Variants in ADCY5 observed in about 807,000 individuals in gnomAD.
ADCY5 encodes adenylate cyclase 5, also known as adenylate cyclase type 5.
A neutral mutation model predicts 119.7 loss-of-function variants in ADCY5; 30 were observed. The ratio of observed to expected loss-of-function variants is 0.25; its 90% confidence interval spans 0.19 to 0.34. ADCY5 has a LOEUF of 0.34. Among genes scored for constraint, ADCY5 ranks in the 10% least tolerant of loss-of-function variants. The probability of loss-of-function intolerance (pLI) is 1.00; values close to 1 mark genes in which losing one functional copy is unlikely to be tolerated. For synonymous variants in ADCY5, 753 were observed against 762.2 expected, an observed-to-expected ratio of 0.99 and a Z score of 0.20; for missense variants, 1,324 against 1,775.2, an observed-to-expected ratio of 0.75 and a Z score of 4.57.
intron 1 of ADCY5, among the ~76,000 whole-genome samples, chr3:123,356,258 C>T (rs1943033589): frequency 6.6e-6 from 1 of 152,082 alleles, no homozygotes; most frequent in Non-Finnish European, 1.5e-5. Context: ...TCTTATATAT[C>T]ACACCAAACA....
intron 1 of ADCY5, among the ~76,000 whole-genome samples, chr3:123,392,794 C>T (rs953183574): frequency 1.4e-4 from 21 of 152,164 alleles, no homozygotes. Flanking sequence ...CGCTATACCT[C>T]CAGGCCTCAC....
chr3:123,373,456 G>C (rs1223314782), intron 1 of ADCY5, among the ~76,000 whole-genome samples: 3 of 152,174 alleles, frequency 2.0e-5, no homozygotes, highest in Non-Finnish European at 4.4e-5. Flanking sequence ...GCTGCCCCAA[G>C]AGCCAAAACA....
At chr3:123,339,133 G>A (rs1405794208) in intron 3 of ADCY5, among the ~76,000 whole-genome samples, 2 of 152,204 alleles carry the variant, frequency 1.3e-5, no homozygotes, top group African/African-American at 4.8e-5. Flanking sequence ...GGAAGTACCC[G>A]GAAGTGTCCA....
intron 11 of ADCY5, among the ~76,000 whole-genome samples, chr3:123,314,940 G>C (rs556104102): frequency 5.3e-5 from 8 of 152,056 alleles, no homozygotes; most frequent in African/African-American, 1.9e-4. Context: ...TCGATTCCTA[G>C]CCAGTTCAAC....
chr3:123,420,528 C>G (rs1945282656), intron 1 of ADCY5, among the ~76,000 whole-genome samples: 2 of 152,158 alleles, frequency 1.3e-5, no homozygotes, highest in African/African-American at 4.8e-5. Flanking sequence ...GCCCCAGGCC[C>G]TACAGATGGC....
intron 10 of ADCY5, among the ~76,000 whole-genome samples, 156 bp downstream of exon 10, chr3:123,319,518 T>C (rs560797869): frequency 2.6e-5 from 4 of 152,220 alleles, no homozygotes; most frequent in South Asian, 4.1e-4. Flanking sequence ...TCCCTAGAAC[T>C]CGCATCTCTC....
chr3:123,365,817 G>C (rs1037869904), intron 1 of ADCY5, among the ~76,000 whole-genome samples: 4 of 152,112 alleles, frequency 2.6e-5, no homozygotes, highest in Admixed American at 2.0e-4. Context: ...GGCAGTGAAG[G>C]GACAGCGAGT....
intron 1 of ADCY5, among the ~76,000 whole-genome samples, chr3:123,435,995 A>G (rs1475448507): frequency 6.6e-6 from 1 of 150,468 alleles, no homozygotes; most frequent in African/African-American, 2.4e-5. Flanking sequence ...GGTTCAAGCG[A>G]TTCTCCTGCC....
intron 12 of ADCY5, among the ~76,000 whole-genome samples, chr3:123,307,903 C>T (rs562856043): frequency 6.6e-6 from 1 of 151,624 alleles, no homozygotes; most frequent in East Asian, 1.9e-4. Context: ...AGGAGAAGAA[C>T]TGCAGGCTTA....
chr3:123,411,970 T>A (rs1945062132), intron 1 of ADCY5, among the ~76,000 whole-genome samples: 1 of 152,086 alleles, frequency 6.6e-6, no homozygotes, highest in Admixed American at 6.5e-5. Context: ...GAACTCCACC[T>A]TTGGAACATG....
intron 1 of ADCY5, among the ~76,000 whole-genome samples, chr3:123,444,331 AG>A (rs918852088): frequency 5.3e-5 from 8 of 152,126 alleles, no homozygotes; most frequent in African/African-American, 1.9e-4. Flanking sequence ...TCGAACAGGG[AG>A]GGAGAGATGG....
chr3:123,415,867 AG>A (rs1945172544), intron 1 of ADCY5, among the ~76,000 whole-genome samples: 1 of 152,228 alleles, frequency 6.6e-6, no homozygotes, highest in Admixed American at 6.5e-5. Context: ...CTAGGTGTAT[AG>A]GGGTAAATGG....
chr3:123,419,440 C>T (rs553832543), intron 1 of ADCY5, among the ~76,000 whole-genome samples: 20 of 152,294 alleles, frequency 1.3e-4, no homozygotes, highest in East Asian at 1.2e-3. Flanking sequence ...CCCATACCCA[C>T]GTTGCCAGAC....
At chr3:123,419,719 C>T (rs954533373) in intron 1 of ADCY5, among the ~76,000 whole-genome samples, 4 of 152,098 alleles carry the variant, frequency 2.6e-5, no homozygotes, top group African/African-American at 7.2e-5. Flanking sequence ...CACTGCTCCC[C>T]CTGCCAGCGA....
At chr3:123,400,676 G>C (rs1312476126) in intron 1 of ADCY5, among the ~76,000 whole-genome samples, 1 of 152,210 alleles carries the variant, frequency 6.6e-6, no homozygotes, top group African/African-American at 2.4e-5. Flanking sequence ...GCCAGGCACG[G>C]TGGCTCACGC....
At chr3:123,344,942 T>C (rs1372882602) in intron 3 of ADCY5, among the ~76,000 whole-genome samples, 1 of 152,208 alleles carries the variant, frequency 6.6e-6, no homozygotes, top group African/African-American at 2.4e-5. Context: ...AATTATAGCA[T>C]CTTGATTTTT....
intron 3 of ADCY5, among the ~76,000 whole-genome samples, chr3:123,338,569 C>T (rs1451851668): frequency 4.6e-5 from 7 of 152,228 alleles, no homozygotes; most frequent in Non-Finnish European, 1.0e-4. Flanking sequence ...GGTGCTAATT[C>T]ATCTATTAGC....
chr3:123,323,236 G>A (rs1410878147), intron 8 of ADCY5, among the ~76,000 whole-genome samples: 2 of 151,956 alleles, frequency 1.3e-5, no homozygotes, highest in African/African-American at 4.8e-5. Flanking sequence ...CGCTGTGGAG[G>A]AGACTTCCTG....
At chr3:123,359,676 G>A (rs1270742351) in intron 1 of ADCY5, among the ~76,000 whole-genome samples, 2 of 152,104 alleles carry the variant, frequency 1.3e-5, no homozygotes, top group African/African-American at 4.8e-5. Context: ...CAGGGACCCT[G>A]GGGGCAGAGA....
Sources: allele counts gnomAD v4.1 joint callset (sites outside exome capture counted in the v4.1 genomes callset), GRCh38; gene constraint gnomAD v4.1.1; transcripts MANE v1.5; gene names NCBI Gene and HGNC (gene_info 2026-07-23, HGNC 2026-07-21).